The following TUSC3 variants were observed in gnomAD, a reference collection of about 807,000 sequenced individuals.
The protein encoded by TUSC3 is dolichyl-diphosphooligosaccharide--protein glycosyltransferase subunit TUSC3.
Under a neutral mutation model 44.8 loss-of-function variants are expected in TUSC3, and 45 were observed. That is an observed-to-expected ratio of 1.00 (90% CI 0.79 to 1.29). The LOEUF is 1.29. Among genes scored for constraint, TUSC3 ranks in the 50% most tolerant of loss-of-function variants. The pLI, the probability that TUSC3 is intolerant of heterozygous loss-of-function variation, is 0.00. For missense variants in TUSC3, 519 were observed against 437.9 expected (o/e 1.19, Z -1.65); for synonymous variants, 212 against 152.9 (o/e 1.39, Z -2.85).
intron 6 of TUSC3, among the ~76,000 whole-genome samples, chr8:15,683,311 C>T (rs1248736606): frequency 3.3e-5 from 5 of 152,244 alleles, no homozygotes; most frequent in African/African-American, 7.2e-5. Context: ...TACACAATCT[C>T]TTATTTCTCA....
At chr8:15,773,690 A>G in the TUSC3 span, among the ~76,000 whole-genome samples, 1 of 152,184 alleles carries the variant, frequency 6.6e-6, no homozygotes, top group Non-Finnish European at 1.5e-5. Context: ...CAATTCTACA[A>G]TAATGGAAAC....
At chr8:15,495,403 C>T (rs867121066) in intron 2 of TUSC3, among the ~76,000 whole-genome samples, 8 of 152,110 alleles carry the variant, frequency 5.3e-5, no homozygotes, top group Non-Finnish European at 8.8e-5. Context: ...AGTTTAAAAC[C>T]GTGGAAATGA....
At chr8:15,449,638 C>T (rs1585050199) in intron 1 of TUSC3, among the ~76,000 whole-genome samples, 1 of 152,106 alleles carries the variant, frequency 6.6e-6, no homozygotes, top group African/African-American at 2.4e-5. Context: ...GGCGTCTTAC[C>T]TCCCATCCCA....
At chr8:15,640,442 C>G (rs1049965070) in intron 2 of TUSC3, among the ~76,000 whole-genome samples, 1 of 152,192 alleles carries the variant, frequency 6.6e-6, no homozygotes, top group Non-Finnish European at 1.5e-5. Context: ...TAGTGAATCA[C>G]CAAACGTGGT....
At chr8:15,501,508 A>G (rs370825024) in intron 2 of TUSC3, among the ~76,000 whole-genome samples, 11 of 152,338 alleles carry the variant, frequency 7.2e-5, no homozygotes, top group African/African-American at 2.6e-4. Context: ...CTGTAGCTGC[A>G]TAGTAAATGT....
At chr8:15,521,226 C>T (rs1290629338) in intron 2 of TUSC3, among the ~76,000 whole-genome samples, 1 of 152,104 alleles carries the variant, frequency 6.6e-6, no homozygotes. Flanking sequence ...TTCCAGATAG[C>T]CTCTGGGATG....
rs1030995302 is a variant in TUSC3 at position 15,681,746 on chromosome 8, C to T, written c.798+7910C>T. ...TAGTTTTTTCTTGTTTTTCTGATTT[C>T]TCTAGCTTTGATGTTAGACTGTTGA... is the stretch of plus-strand genomic sequence containing the variant. On this transcript the variant is annotated intron_variant, in intron 6 of 10. Coordinates refer to ENST00000503731, the MANE Select transcript of TUSC3 (RefSeq NM_006765.4). Among the ~76,000 whole-genome samples, 5 of 151,722 alleles carry T rather than the reference C, an allele frequency of 3.3e-5. No individual in the cohort carries two copies. The South Asian group carries it at 6.2e-4, about 19-fold the overall frequency.
intron 1 of TUSC3, among the ~76,000 whole-genome samples, chr8:15,595,146 C>T (rs1408718399): frequency 3.9e-5 from 6 of 152,112 alleles, no homozygotes. Flanking sequence ...GAGAAAAATA[C>T]GGAAAGCTGG....
intron 1 of TUSC3, among the ~76,000 whole-genome samples, chr8:15,587,854 T>A (rs1803662284): frequency 6.6e-6 from 1 of 152,154 alleles, no homozygotes; most frequent in African/African-American, 2.4e-5. Context: ...AAATTTAAGA[T>A]AATATTCTCT....
intron 6 of TUSC3, among the ~76,000 whole-genome samples, chr8:15,708,425 C>T (rs1391247294): frequency 1.3e-5 from 2 of 151,884 alleles, no homozygotes; most frequent in African/African-American, 4.8e-5. Context: ...AAAAGTGACA[C>T]ACAAAACTGA....
intron 1 of TUSC3, among the ~76,000 whole-genome samples, chr8:15,586,496 C>T (rs537654370): frequency 9.2e-5 from 14 of 152,150 alleles, no homozygotes; most frequent in African/African-American, 3.4e-4. Flanking sequence ...TGATCAAGGT[C>T]TGGGAATAAT....
intron 1 of TUSC3, chr8:15,561,613 C>G (rs1464154962): frequency 6.4e-6 from 1 of 155,362 alleles, no homozygotes; most frequent in Non-Finnish European, 1.4e-5. Context: ...CTCACTGCCG[C>G]CTTGCAGTTT....
the TUSC3 span, among the ~76,000 whole-genome samples, chr8:15,821,672 A>G: frequency 6.6e-6 from 1 of 151,944 alleles, no homozygotes; most frequent in Non-Finnish European, 1.5e-5. Context: ...ATAAAAGCAA[A>G]CACCCTAAGC....
chr8:15,571,352 A>C (rs1348233740), intron 1 of TUSC3, among the ~76,000 whole-genome samples: 1 of 152,174 alleles, frequency 6.6e-6, no homozygotes, highest in Non-Finnish European at 1.5e-5. Context: ...TAATAAAGCA[A>C]ATATTACAAT....
intron 2 of TUSC3, among the ~76,000 whole-genome samples, chr8:15,492,565 C>T (rs1344266615): frequency 6.6e-6 from 1 of 152,040 alleles, no homozygotes; most frequent in Non-Finnish European, 1.5e-5. Flanking sequence ...AGTGTTTAAA[C>T]AAAAACTGGA....
intron 1 of TUSC3, among the ~76,000 whole-genome samples, chr8:15,569,394 G>A (rs528664985): frequency 6.6e-6 from 1 of 152,006 alleles, no homozygotes; most frequent in South Asian, 2.1e-4. Context: ...GAGTTTCCTC[G>A]TGAATTTGAG....
the TUSC3 span, among the ~76,000 whole-genome samples, chr8:15,827,531 T>G: frequency 3.3e-5 from 5 of 152,120 alleles, no homozygotes; most frequent in South Asian, 4.1e-4. Context: ...TTAATGGAAG[T>G]AAAAATGGCT....
chr8:15,683,026 C>CTGA (rs2129186381), intron 6 of TUSC3, among the ~76,000 whole-genome samples: 1 of 152,266 alleles, frequency 6.6e-6, no homozygotes, highest in East Asian at 1.9e-4. Flanking sequence ...CTATGTTAGC[C>CTGA]TGATGAGGTT....
intron 6 of TUSC3, among the ~76,000 whole-genome samples, chr8:15,709,292 A>AT (rs112824744): frequency 6.6e-6 from 1 of 152,020 alleles, no homozygotes; most frequent in South Asian, 2.1e-4. Flanking sequence ...TAGTTCTGTT[A>AT]TTTTTTAGAA....
Sources: gnomAD v4.1 joint callset for allele counts (sites outside exome capture counted in the v4.1 genomes callset) on GRCh38, gnomAD v4.1.1 for gene constraint, MANE v1.5 for transcripts, NCBI Gene and HGNC (gene_info 2026-07-23, HGNC 2026-07-21) for gene names.